CTIF: variants seen among roughly 807,000 people sequenced by gnomAD.
CTIF encodes the protein CBP80/20-dependent translation initiation factor.
CTIF carries 21 observed loss-of-function variants against 66.0 expected under a neutral mutation model. That is an observed-to-expected ratio of 0.32 (90% CI 0.23 to 0.46). CTIF has a LOEUF of 0.46. CTIF is among the 20% of genes least tolerant of loss of function. The pLI is 1.00. For synonymous variants in CTIF, 345 were observed against 326.4 expected (o/e 1.06, Z -0.62); for missense variants, 739 against 812.7 (o/e 0.91, Z 1.10).
chr18:48,838,079 T>C (rs997896295), intron 10 of CTIF, among the ~76,000 whole-genome samples: 1 of 151,222 alleles, frequency 6.6e-6, no homozygotes, highest in East Asian at 1.9e-4. Context: ...TTTTTTTTTT[T>C]CTACTTTCCC....
chr18:48,727,819 C>G (rs1047780694), intron 7 of CTIF, among the ~76,000 whole-genome samples: 4 of 152,230 alleles, frequency 2.6e-5, no homozygotes, highest in African/African-American at 9.6e-5. Context: ...TAGCCACACC[C>G]TCCACCTCAT....
At chr18:48,710,468 C>T (rs1339271699) in intron 6 of CTIF, among the ~76,000 whole-genome samples, 2 of 152,202 alleles carry the variant, frequency 1.3e-5, no homozygotes, top group Non-Finnish European at 1.5e-5. Context: ...GTACCCCCTA[C>T]TCCACCCCAG....
At chr18:48,653,653 A>G (rs183345314) in intron 3 of CTIF, among the ~76,000 whole-genome samples, 80 of 152,366 alleles carry the variant, frequency 5.3e-4, no homozygotes, top group Non-Finnish European at 9.0e-4. Context: ...ACCAAAAAAG[A>G]GCCCGCATTG....
chr18:48,824,244 A>G (rs548768607), intron 10 of CTIF, among the ~76,000 whole-genome samples: 1 of 152,326 alleles, frequency 6.6e-6, no homozygotes. Context: ...AAACAAATGG[A>G]AAAACATCCC....
At chr18:48,715,550 A>G (rs535958241) in intron 7 of CTIF, among the ~76,000 whole-genome samples, 17 of 152,166 alleles carry the variant, frequency 1.1e-4, no homozygotes, top group African/African-American at 4.1e-4. Context: ...CAGAGCACAT[A>G]GACCAGAAGA....
chr18:48,801,199 C>T (rs1035377993), intron 9 of CTIF, among the ~76,000 whole-genome samples: 1 of 152,222 alleles, frequency 6.6e-6, no homozygotes, highest in Admixed American at 6.5e-5. Context: ...CCCATTCAGA[C>T]AGAGCCCGGT....
intron 7 of CTIF, among the ~76,000 whole-genome samples, chr18:48,748,786 A>C (rs1907503594): frequency 1.3e-5 from 2 of 152,218 alleles, no homozygotes. Flanking sequence ...TGCTGGTTGC[A>C]GAATGGGCAA....
intron 10 of CTIF, among the ~76,000 whole-genome samples, chr18:48,851,178 G>A (rs2069192324): frequency 6.6e-6 from 1 of 152,206 alleles, no homozygotes; most frequent in Non-Finnish European, 1.5e-5. Context: ...TGGGGGAGTA[G>A]GGGGAGCAGG....
chr18:48,675,079 G>T (rs1470226838), intron 6 of CTIF, among the ~76,000 whole-genome samples: 6 of 151,852 alleles, frequency 4.0e-5, no homozygotes, highest in African/African-American at 2.4e-5. Context: ...GGAGATGGGG[G>T]GCAGCAGAAG....
chr18:48,608,664 A>G (rs7243822), intron 1 of CTIF, among the ~76,000 whole-genome samples: 65,440 of 152,098 alleles, frequency 0.43, 16,744 homozygotes, highest in African/African-American at 0.72. Flanking sequence ...CTGCCTTGCA[A>G]CCATAGCACA....
chr18:48,837,771 C>T (rs1292192843), intron 10 of CTIF, among the ~76,000 whole-genome samples: 2 of 152,116 alleles, frequency 1.3e-5, no homozygotes, highest in Admixed American at 1.3e-4. Context: ...GGATCCAGTA[C>T]AAACACAGGG....
At chr18:48,832,013 A>G (rs1339244533) in intron 10 of CTIF, among the ~76,000 whole-genome samples, 2 of 152,114 alleles carry the variant, frequency 1.3e-5, no homozygotes, top group African/African-American at 4.8e-5. Flanking sequence ...CCCTAAAGTA[A>G]CTGGATTCCC....
intron 10 of CTIF, among the ~76,000 whole-genome samples, chr18:48,848,132 A>G (rs1167848175): frequency 6.6e-6 from 1 of 152,048 alleles, no homozygotes; most frequent in Non-Finnish European, 1.5e-5. Context: ...CTTTGTCTCC[A>G]CTGTCAGCAT....
chr18:48,612,591 C>A (rs1191922203), intron 1 of CTIF, among the ~76,000 whole-genome samples: 1 of 152,194 alleles, frequency 6.6e-6, no homozygotes, highest in Non-Finnish European at 1.5e-5. Flanking sequence ...GAAGCGGCCA[C>A]AGGAAGGTGG....
intron 1 of CTIF, among the ~76,000 whole-genome samples, chr18:48,588,582 A>C (rs941869509): frequency 1.3e-5 from 2 of 150,946 alleles, no homozygotes; most frequent in South Asian, 2.1e-4. Context: ...GCCTCTCCTG[A>C]CCCCTGCCCC....
chr18:48,655,994 T>C (rs965062256), intron 3 of CTIF, among the ~76,000 whole-genome samples: 2 of 152,246 alleles, frequency 1.3e-5, no homozygotes, highest in African/African-American at 4.8e-5. Flanking sequence ...TGACTTTGTA[T>C]GTTTTTCTAT....
At chr18:48,669,025 G>T (rs1042562298) in intron 5 of CTIF, among the ~76,000 whole-genome samples, 136 of 152,264 alleles carry the variant, frequency 8.9e-4, no homozygotes, top group Non-Finnish European at 2.8e-4. Context: ...GCTGGTGTTT[G>T]CAGCTAGTTT....
At chr18:48,747,247 A>G (rs1907309681) in intron 7 of CTIF, among the ~76,000 whole-genome samples, 2 of 152,210 alleles carry the variant, frequency 1.3e-5, no homozygotes, top group Admixed American at 1.3e-4. Flanking sequence ...AGAATAAACT[A>G]TGATGGATGA....
intron 10 of CTIF, among the ~76,000 whole-genome samples, chr18:48,848,018 T>C (rs2146599396): frequency 6.6e-6 from 1 of 152,286 alleles, no homozygotes; most frequent in East Asian, 1.9e-4. Context: ...ACAGGGTGGA[T>C]GGGCCAGCTG....
Sources: allele counts gnomAD v4.1 joint callset (sites outside exome capture counted in the v4.1 genomes callset), GRCh38; gene constraint gnomAD v4.1.1; transcripts MANE v1.5; gene names NCBI Gene and HGNC (gene_info 2026-07-23, HGNC 2026-07-21).